The following TTLL3 variants were observed in gnomAD, a reference collection of about 807,000 sequenced individuals.
TTLL3 encodes the protein tubulin monoglycylase TTLL3.
In TTLL3, 63 loss-of-function variants were observed where a neutral mutation model predicts 75.2. That is an observed-to-expected ratio of 0.84 (90% CI 0.68 to 1.03). The LOEUF (loss-of-function observed/expected upper bound fraction) is 1.03. Among genes scored for constraint, TTLL3 ranks in the 50% least tolerant of loss-of-function variants. The pLI is 0.00. For synonymous variants in TTLL3, 393 were observed against 418.5 expected (o/e 0.94, Z 0.74); for missense variants, 997 against 1,069.9 (o/e 0.93, Z 0.95).
In TTLL3 at chr3:9,810,586, A is replaced by C. The variant is rs1407517776; in HGVS notation, c.-41-35A>C. The stretch of plus-strand genomic sequence containing the variant: ...AGGCCGAGACCCTAGGCCCAGCCTC[A>C]GTGTACCCCGCCCCTATTCCGCATC... On this transcript the variant is annotated intron_variant, in intron 1 of 13. Transcript: ENST00000685419. The surrounding 1 kb of genome is among the most constrained non-coding windows in gnomAD (Gnocchi z 4.4). 6.5e-7 allele frequency: 1 copy of C among 1,546,550 alleles called. No individual in the cohort carries two copies. The highest frequency in any genetic ancestry group is 8.7e-7 in the Non-Finnish European group (1 of 1,144,678).
rs369226406 is a variant in TTLL3, at chr3:9,835,127, C to T, written c.2086C>T (p.Leu696=). The T allele has an allele frequency of 3.5e-5, 56 of 1,612,938 alleles. No individual in the cohort carries two copies. The highest frequency in any genetic ancestry group is 4.7e-5 in the Non-Finnish European group (56 of 1,179,228). The change falls in exon 14 of 14, where the codon CTG becomes TTG. Residue 696 remains leucine (L), a synonymous_variant. Transcript: ENST00000685419. ...TCTCCTGTGCCTCCGAGGCCCCCAG[C>T]TGGAAGTGCCTTGTTGCCTCTGCCC... The part of the protein sequence containing the change: ...PALLCLRGPQ[L]EVPCCLCPLK...
chr3:9,824,986 C>T (rs1559743101), intron 8 of TTLL3, among the ~76,000 whole-genome samples: 2 of 151,978 alleles, frequency 1.3e-5, no homozygotes. Context: ...GGTGATCCGC[C>T]TGCCTCCGCC....
rs1356748604 is a variant in TTLL3 at position 9,813,267 on chromosome 3, G to C, written c.237G>C (p.Glu79Asp). Residue 79 changes from glutamate to aspartate, a missense_variant, in exon 4 of 14, where the codon GAG (glutamate) becomes GAC (aspartate). Glu to Asp is a conservative substitution (Grantham distance 45). Transcript: ENST00000685419. Reference sequence around the variant, plus strand: ...CCACAGAGGATGAAGATGAGGACGAGGAGTTCCAGCCATCACAGCTGTTCG... The same window carrying C: ...CCACAGAGGATGAAGATGAGGACGACGAGTTCCAGCCATCACAGCTGTTCG... The part of the protein sequence containing the change: ...TTEDEDEDED[E>D]EFQPSQLFDF... 8 of 1,614,248 alleles carry C rather than the reference G, an allele frequency of 5.0e-6. No homozygotes were observed. Among genetic ancestry groups the C allele is most frequent in the Admixed American group, 1.7e-5 (1 of 60,030 alleles).
At chr3:9,816,353 G>A (rs903959074) in intron 5 of TTLL3, 151 bp downstream of exon 5, 6 of 792,454 alleles carry the variant, frequency 7.6e-6, no homozygotes, top group Non-Finnish European at 8.8e-6. Context: ...ACCAGTATCT[G>A]GCAAGTTCAA....
intron 8 of TTLL3, chr3:9,825,373 G>C (rs2080932001): frequency 5.4e-6 from 1 of 184,314 alleles, no homozygotes; most frequent in Non-Finnish European, 1.2e-5. Context: ...GTAGGGGGTG[G>C]GTACTAGTAA....
chr3:9,810,245 G>A (rs1239967759), upstream of TTLL3: 5 of 1,508,504 alleles, frequency 3.3e-6, no homozygotes, highest in South Asian at 6.2e-5. The surrounding 1 kb of genome is among the most constrained non-coding windows in gnomAD (Gnocchi z 4.4). Flanking sequence ...CACGCAGGCG[G>A]CAGATGCCAG....
chr3:9,809,727 C>G (rs2079173590), upstream of TTLL3: 2 of 316,272 alleles, frequency 6.3e-6, no homozygotes, highest in Admixed American at 4.9e-5. Context: ...GCTCAGTGCT[C>G]TCTTCCGCCT....
chr3:9,833,421 G>A, intron 12 of TTLL3, 176 bp downstream of exon 12: 1 of 1,041,262 alleles, frequency 9.6e-7, no homozygotes, highest in Non-Finnish European at 1.4e-6. Context: ...TCTGGGAGTG[G>A]GATGCCCCCA....
At chr3:9,830,141 C>T (rs2081388816) in intron 11 of TTLL3, among the ~76,000 whole-genome samples, 1 of 152,150 alleles carries the variant, frequency 6.6e-6, no homozygotes, top group Non-Finnish European at 1.5e-5. Context: ...CCGTGCCCAG[C>T]CAGTAAAGTA....
intron 8 of TTLL3, 94 bp downstream of exon 8, chr3:9,820,835 T>C: frequency 6.6e-7 from 1 of 1,508,912 alleles, no homozygotes; most frequent in Non-Finnish European, 8.9e-7. Flanking sequence ...TCCCCAAGCC[T>C]CCCGCTCGTT....
intron 8 of TTLL3, among the ~76,000 whole-genome samples, chr3:9,823,190 T>C (rs1026700220): frequency 6.6e-6 from 1 of 152,018 alleles, no homozygotes; most frequent in Non-Finnish European, 1.5e-5. Flanking sequence ...GAGACCATCC[T>C]GGCTAACATG....
chr3:9,827,147 T>C lies in TTLL3; in HGVS notation c.1154T>C (p.Leu385Pro). ...GTKFDLRQWF[L>P]VTDWNPLTVW... Reference sequence around the variant, plus strand: ...AAGTTTGACCTCAGACAGTGGTTCCTGGTAACTGACTGGAACCCACTTACC... The same window carrying C: ...AAGTTTGACCTCAGACAGTGGTTCCCGGTAACTGACTGGAACCCACTTACC... The change falls in exon 10 of 14, where the codon CTG (leucine) becomes CCG (proline). Residue 385 changes from leucine to proline, a missense_variant. Physicochemically the swap from Leu to Pro is moderately conservative, Grantham distance 98. Transcript: ENST00000685419. 1 of 1,614,258 alleles carries C rather than the reference T, an allele frequency of 6.2e-7. No homozygotes were observed. The highest frequency in any genetic ancestry group is 8.5e-7 in the Non-Finnish European group (1 of 1,180,034).
intron 4 of TTLL3, among the ~76,000 whole-genome samples, chr3:9,815,258 C>T (rs972155452): frequency 4.3e-5 from 6 of 137,996 alleles, no homozygotes; most frequent in Admixed American, 1.4e-4. Flanking sequence ...AAAAAAAAGC[C>T]ATTTCTGTAT....
intron 7 of TTLL3, 115 bp downstream of exon 7, chr3:9,819,035 A>T (rs1239374760): frequency 1.5e-6 from 2 of 1,354,106 alleles, no homozygotes; most frequent in East Asian, 4.8e-5. Flanking sequence ...GTTCATCCAC[A>T]CATCTGTGTA....
In TTLL3 at chr3:9,820,625, C is replaced by T. The variant is rs183580844; in HGVS notation, c.738C>T (p.Cys246=). The T allele has an allele frequency of 1.9e-3, 3,018 of 1,614,028 alleles. 4 individuals carry two copies. The highest frequency in any genetic ancestry group is 2.4e-3 in the Non-Finnish European group (2,795 of 1,179,986). ...TTGTGGATGAAGCTCTGTGTGCGTG[C>T]GAGGAGTACCTTAGCAACTTGGCCC... ...PEFVDEALCA[C]EEYLSNLAHM... is the part of the protein sequence containing the mutation. Residue 246 remains cysteine, a synonymous_variant, in exon 8 of 14, where the codon TGC becomes TGT. Transcript: ENST00000685419.
intron 6 of TTLL3, chr3:9,818,594 T>TCCTGGTTGGA: frequency 1.6e-6 from 2 of 1,263,062 alleles, no homozygotes; most frequent in Middle Eastern, 2.2e-4. Flanking sequence ...GGTCTCGATC[T>TCCTGGTTGGA]CCTGACCTCA....
upstream of TTLL3, chr3:9,809,996 G>GGAT (rs767307246): frequency 2.6e-5 from 34 of 1,293,842 alleles, no homozygotes; most frequent in Admixed American, 1.3e-3. Flanking sequence ...GGCGAGCGCG[G>GGAT]CGAGGGGCGC....
In TTLL3 at chr3:9,810,815, CAA is replaced by C; in HGVS notation, c.48+107_48+108del. 1 of 1,120,784 alleles carries C rather than the reference CAA, an allele frequency of 8.9e-7. No individual in the cohort carries two copies. The highest frequency in any genetic ancestry group is 1.6e-5 in the South Asian group (1 of 62,006). The allele number at this position is 1,120,784 out of a possible 1,614,324, so 69.4% of individuals were successfully genotyped here. A position where few individuals can be genotyped will look rare whatever the true frequency, so the allele number is the denominator to read the frequency against. On this transcript the variant is annotated intron_variant, in intron 2 of 13. Transcript: ENST00000685419. The surrounding 1 kb of genome is among the most constrained non-coding windows in gnomAD (Gnocchi z 4.4). Reference sequence around the variant, plus strand: ...TAAAAAACAAAAGCAAAAGAAAAAACAATAGCAAAAATCCTCAACCACCACAC... The same window carrying C: ...TAAAAAACAAAAGCAAAAGAAAAAACTAGCAAAAATCCTCAACCACCACAC...
At chr3:9,820,299 G>A in intron 7 of TTLL3, 1 of 1,345,118 alleles carries the variant, frequency 7.4e-7, no homozygotes, top group East Asian at 2.9e-5. Flanking sequence ...CAGAGGCCTT[G>A]GGGACATTTA....
Sources: allele counts gnomAD v4.1 joint callset (sites outside exome capture counted in the v4.1 genomes callset), GRCh38; gene constraint gnomAD v4.1.1; non-coding constraint Gnocchi (gnomAD v3.1); transcripts MANE v1.5; gene names NCBI Gene and HGNC (gene_info 2026-07-23, HGNC 2026-07-21).